EGFLAM: variants seen among roughly 807,000 people sequenced by gnomAD.
EGFLAM encodes EGF like, fibronectin type III and laminin G domains, also known as pikachurin.
Under a neutral mutation model 113.1 loss-of-function variants are expected in EGFLAM, and 79 were observed. The observed-to-expected ratio is 0.70, with a 90% CI of 0.58 to 0.84. EGFLAM has a LOEUF of 0.84. EGFLAM is among the 40% of genes least tolerant of loss of function. The pLI, the probability that EGFLAM is intolerant of heterozygous loss-of-function variation, is 0.00. For missense variants in EGFLAM, 1,265 were observed against 1,291.6 expected (o/e 0.98, Z 0.32); for synonymous variants, 504 against 487.6 (o/e 1.03, Z -0.44).
At chr5:38,400,282 T>A (rs1741073398) in intron 6 of EGFLAM, among the ~76,000 whole-genome samples, 4 of 152,228 alleles carry the variant, frequency 2.6e-5, no homozygotes, top group Admixed American at 2.6e-4. Flanking sequence ...AAGCACAGGT[T>A]TTTTTATAAA....
intron 1 of EGFLAM, among the ~76,000 whole-genome samples, chr5:38,304,697 C>G (rs990411018): frequency 6.6e-6 from 1 of 152,116 alleles, no homozygotes; most frequent in Non-Finnish European, 1.5e-5. Context: ...TAAATATGAG[C>G]AGATAATCAA....
At chr5:38,416,781 C>G (rs1156695742) in intron 11 of EGFLAM, among the ~76,000 whole-genome samples, 1 of 152,134 alleles carries the variant, frequency 6.6e-6, no homozygotes, top group East Asian at 1.9e-4. Flanking sequence ...CTAATGAAAG[C>G]AGCATGCTCA....
At chr5:38,409,870 G>T (rs528321562) in intron 10 of EGFLAM, among the ~76,000 whole-genome samples, 2 of 152,272 alleles carry the variant, frequency 1.3e-5, no homozygotes, top group South Asian at 2.1e-4. Context: ...TTCCTGGGGG[G>T]CAGAGTTTTG....
At chr5:38,448,530 G>A in intron 18 of EGFLAM, 151 bp downstream of exon 18, 2 of 727,594 alleles carry the variant, frequency 2.7e-6, no homozygotes, top group South Asian at 3.7e-5. Context: ...CACACAACAA[G>A]AAATAAACAT....
intron 1 of EGFLAM, 112 bp downstream of exon 1, chr5:38,258,963 C>A: frequency 1.7e-6 from 2 of 1,172,382 alleles, no homozygotes; most frequent in Non-Finnish European, 2.4e-6. Context: ...CCAACGTCTG[C>A]TTAACTCGCT....
At chr5:38,381,505 T>C (rs182826879) in intron 6 of EGFLAM, among the ~76,000 whole-genome samples, 200 of 152,300 alleles carry the variant, frequency 1.3e-3, no homozygotes, top group Non-Finnish European at 2.1e-3. Context: ...ATCTCAGTAG[T>C]CATCAGGCTC....
At chr5:38,425,707 G>C (rs1010410455) in intron 13 of EGFLAM, among the ~76,000 whole-genome samples, 1 of 152,144 alleles carries the variant, frequency 6.6e-6, no homozygotes, top group Non-Finnish European at 1.5e-5. Flanking sequence ...AGAATCAGTG[G>C]GCTCCTCTTG....
intron 1 of EGFLAM, among the ~76,000 whole-genome samples, chr5:38,306,489 C>T (rs1758719740): frequency 6.6e-6 from 1 of 152,068 alleles, no homozygotes; most frequent in South Asian, 2.1e-4. Context: ...TATTATAGTT[C>T]GATATCTCAT....
At chr5:38,298,725 G>C (rs955162742) in intron 1 of EGFLAM, among the ~76,000 whole-genome samples, 1 of 151,870 alleles carries the variant, frequency 6.6e-6, no homozygotes, top group African/African-American at 2.4e-5. Flanking sequence ...TCTTGAGACA[G>C]GGTCTCACTC....
intron 1 of EGFLAM, among the ~76,000 whole-genome samples, chr5:38,302,444 A>G (rs1758605211): frequency 6.6e-6 from 1 of 152,188 alleles, no homozygotes. Context: ...TCTTAACTGC[A>G]TTATGGGGTC....
At chr5:38,333,661 TG>T (rs1390559021) in intron 1 of EGFLAM, among the ~76,000 whole-genome samples, 2 of 152,188 alleles carry the variant, frequency 1.3e-5, no homozygotes, top group Non-Finnish European at 1.5e-5. Context: ...ATTTTTCTCT[TG>T]TAAATTTGTT....
chr5:38,311,538 A>G (rs1402560733), intron 1 of EGFLAM, among the ~76,000 whole-genome samples: 1 of 152,216 alleles, frequency 6.6e-6, no homozygotes, highest in East Asian at 1.9e-4. Context: ...CTTTTTTAAA[A>G]GGCTAAATAG....
intron 5 of EGFLAM, among the ~76,000 whole-genome samples, chr5:38,362,240 A>T (rs1309450063): frequency 6.6e-6 from 1 of 152,226 alleles, no homozygotes; most frequent in Non-Finnish European, 1.5e-5. Flanking sequence ...ACCTAAATGG[A>T]TATGACTAAC....
chr5:38,432,122 C>T (rs1016754599), intron 15 of EGFLAM, among the ~76,000 whole-genome samples: 2 of 152,098 alleles, frequency 1.3e-5, no homozygotes, highest in African/African-American at 4.8e-5. Flanking sequence ...TTTATAGTTC[C>T]TTAAAAATAG....
intron 1 of EGFLAM, among the ~76,000 whole-genome samples, chr5:38,332,810 C>T (rs1739080700): frequency 1.3e-5 from 2 of 152,204 alleles, no homozygotes; most frequent in South Asian, 4.1e-4. Flanking sequence ...AGCGGTTTTC[C>T]ACCCTGGGTG....
At chr5:38,356,300 C>G (rs751481596) in intron 5 of EGFLAM, among the ~76,000 whole-genome samples, 17 of 152,176 alleles carry the variant, frequency 1.1e-4, no homozygotes, top group Non-Finnish European at 1.5e-5. Context: ...GTCAAGTTAT[C>G]CTTTCTCAGA....
intron 1 of EGFLAM, among the ~76,000 whole-genome samples, chr5:38,332,802 C>T (rs909205080): frequency 2.0e-5 from 3 of 152,178 alleles, no homozygotes; most frequent in Admixed American, 1.3e-4. Flanking sequence ...TGCCTTTAAG[C>T]GGTTTTCCAC....
chr5:38,261,340 CATA>C (rs1383330765), intron 1 of EGFLAM, among the ~76,000 whole-genome samples: 3 of 152,176 alleles, frequency 2.0e-5, no homozygotes, highest in Non-Finnish European at 4.4e-5. Context: ...GAAATTAAAT[CATA>C]ATAACTAACA....
intron 1 of EGFLAM, among the ~76,000 whole-genome samples, chr5:38,277,181 C>T (rs1393973839): frequency 6.6e-6 from 1 of 152,108 alleles, no homozygotes; most frequent in Non-Finnish European, 1.5e-5. Flanking sequence ...AATTAACAAA[C>T]CAAATTCAAC....
Sources: allele counts gnomAD v4.1 joint callset (sites outside exome capture counted in the v4.1 genomes callset), GRCh38; gene constraint gnomAD v4.1.1; transcripts MANE v1.5; gene names NCBI Gene and HGNC (gene_info 2026-07-23, HGNC 2026-07-21).